Variants in CCSER1 observed in about 807,000 individuals in gnomAD.
The protein encoded by CCSER1 is coiled-coil serine rich protein 1.
A neutral mutation model predicts 82.0 loss-of-function variants in CCSER1; 41 were observed. The observed-to-expected ratio is 0.50, with a 90% CI of 0.39 to 0.65. The LOEUF is 0.65. Among genes scored for constraint, CCSER1 ranks in the 30% least tolerant of loss-of-function variants. The probability of loss-of-function intolerance (pLI) is 0.00; values close to 1 mark genes in which losing one functional copy is unlikely to be tolerated. For missense variants in CCSER1, 1,119 were observed against 1,064.2 expected, an observed-to-expected ratio of 1.05 and a Z score of -0.72; for synonymous variants, 414 against 383.9, an observed-to-expected ratio of 1.08 and a Z score of -0.92.
chr4:91,508,651 AT>A (rs1239000065), intron 10 of CCSER1, among the ~76,000 whole-genome samples: 1 of 148,020 alleles, frequency 6.8e-6, no homozygotes, highest in Non-Finnish European at 1.5e-5. Context: ...TTCCTATTCT[AT>A]TTTTTGAAAG....
chr4:90,701,483 C>T (rs917510146), intron 6 of CCSER1, among the ~76,000 whole-genome samples: 3 of 152,016 alleles, frequency 2.0e-5, no homozygotes, highest in African/African-American at 4.8e-5. Flanking sequence ...TTTTTGGTTC[C>T]GTATGAACTT....
intron 10 of CCSER1, among the ~76,000 whole-genome samples, chr4:91,251,301 A>G (rs553686258): frequency 1.1e-4 from 16 of 152,264 alleles, no homozygotes; most frequent in African/African-American, 3.8e-4. Flanking sequence ...GTGGAGAGAA[A>G]GATCATTTCC....
intron 5 of CCSER1, among the ~76,000 whole-genome samples, chr4:90,596,261 A>C (rs1783320247): frequency 6.6e-6 from 1 of 151,942 alleles, no homozygotes; most frequent in Non-Finnish European, 1.5e-5. Flanking sequence ...AATCAAGTCA[A>C]ATTATTTATG....
chr4:90,494,637 G>T (rs191292365), intron 5 of CCSER1, among the ~76,000 whole-genome samples: 3 of 152,256 alleles, frequency 2.0e-5, no homozygotes, highest in Admixed American at 1.3e-4. Context: ...TGCCCAGTTT[G>T]TAGACTTCAT....
chr4:90,948,927 A>C (rs778913290), intron 9 of CCSER1, among the ~76,000 whole-genome samples: 4 of 152,098 alleles, frequency 2.6e-5, no homozygotes, highest in Non-Finnish European at 5.9e-5. Flanking sequence ...AGAGTCTAGC[A>C]GGATATGTAG....
At chr4:90,825,938 C>T (rs1342119792) in intron 8 of CCSER1, among the ~76,000 whole-genome samples, 1 of 151,984 alleles carries the variant, frequency 6.6e-6, no homozygotes, top group East Asian at 1.9e-4. Flanking sequence ...GATCCACCTG[C>T]CTCGTCCTCC....
chr4:90,842,032 T>G (rs974730908), intron 8 of CCSER1, among the ~76,000 whole-genome samples: 1 of 152,188 alleles, frequency 6.6e-6, no homozygotes, highest in Non-Finnish European at 1.5e-5. Flanking sequence ...TCTCTGTTTT[T>G]TTTTTCCCAT....
intron 9 of CCSER1, among the ~76,000 whole-genome samples, chr4:91,073,109 C>T (rs1016501806): frequency 1.3e-5 from 2 of 151,864 alleles, no homozygotes; most frequent in African/African-American, 4.8e-5. Context: ...TGGCTTATTA[C>T]AGTATAGACA....
chr4:90,861,876 A>G (rs1163658586), intron 8 of CCSER1, among the ~76,000 whole-genome samples: 1 of 149,408 alleles, frequency 6.7e-6, no homozygotes, highest in East Asian at 2.0e-4. Context: ...AGCCATGATG[A>G]AAACCATGGA....
intron 9 of CCSER1, among the ~76,000 whole-genome samples, chr4:91,014,679 TA>T (rs1181650804): frequency 2.6e-5 from 4 of 151,846 alleles, no homozygotes; most frequent in African/African-American, 9.7e-5. Context: ...TAAGCAAATG[TA>T]AACATACATT....
intron 6 of CCSER1, among the ~76,000 whole-genome samples, chr4:90,722,951 T>C (rs1265799543): frequency 6.6e-6 from 1 of 151,976 alleles, no homozygotes; most frequent in Non-Finnish European, 1.5e-5. Flanking sequence ...TGAGTCAAAC[T>C]TGCCTACTTA....
chr4:90,507,935 T>G (rs528031223), intron 5 of CCSER1, among the ~76,000 whole-genome samples: 3 of 151,914 alleles, frequency 2.0e-5, no homozygotes, highest in Non-Finnish European at 4.4e-5. Context: ...ATATTTTATA[T>G]GGATATAATA....
chr4:91,429,081 G>GT (rs1754149901), intron 10 of CCSER1, among the ~76,000 whole-genome samples: 1 of 151,910 alleles, frequency 6.6e-6, no homozygotes, highest in South Asian at 2.1e-4. Context: ...AAATTAAAGA[G>GT]TTTTTGATAA....
At chr4:90,914,362 A>G (rs1433971251) in intron 8 of CCSER1, among the ~76,000 whole-genome samples, 3 of 152,216 alleles carry the variant, frequency 2.0e-5, no homozygotes, top group African/African-American at 4.8e-5. Flanking sequence ...GCTCAACTAC[A>G]TGGAAACTGA....
At chr4:91,519,960 A>C (rs1760365152) in intron 10 of CCSER1, among the ~76,000 whole-genome samples, 1 of 152,314 alleles carries the variant, frequency 6.6e-6, no homozygotes, top group South Asian at 2.1e-4. Flanking sequence ...TTTTAGAATC[A>C]TTATGCCAGT....
chr4:90,466,416 G>A (rs1763655948), intron 4 of CCSER1, among the ~76,000 whole-genome samples: 1 of 152,192 alleles, frequency 6.6e-6, no homozygotes. Flanking sequence ...GGTAAAAGGA[G>A]CCTTGAATCC....
intron 5 of CCSER1, among the ~76,000 whole-genome samples, chr4:90,608,610 A>T (rs1344042951): frequency 6.6e-6 from 1 of 152,166 alleles, no homozygotes; most frequent in Non-Finnish European, 1.5e-5. Context: ...TATATACATT[A>T]TCATTAAGAG....
chr4:91,588,925 G>T (rs540110894), intron 10 of CCSER1, among the ~76,000 whole-genome samples: 7 of 151,786 alleles, frequency 4.6e-5, no homozygotes, highest in African/African-American at 1.7e-4. Flanking sequence ...CTATCTTAAT[G>T]TACATTTACA....
intron 10 of CCSER1, among the ~76,000 whole-genome samples, chr4:91,214,819 G>T (rs898999427): frequency 6.6e-6 from 1 of 152,048 alleles, no homozygotes; most frequent in Non-Finnish European, 1.5e-5. Context: ...TTTTAAAATT[G>T]TTAATTAAAT....
Sources: gnomAD v4.1 joint callset for allele counts (sites outside exome capture counted in the v4.1 genomes callset) on GRCh38, gnomAD v4.1.1 for gene constraint, MANE v1.5 for transcripts, NCBI Gene and HGNC (gene_info 2026-07-23, HGNC 2026-07-21) for gene names.